Variants in STAP1 observed in about 807,000 individuals in gnomAD.
STAP1 encodes the protein signal-transducing adaptor protein 1.
In STAP1, 30 loss-of-function variants were observed where a neutral mutation model predicts 37.8. The observed-to-expected ratio is 0.79, with a 90% confidence interval of 0.59 to 1.08. The LOEUF (loss-of-function observed/expected upper bound fraction) is 1.08, where lower values mean the gene tolerates loss of function less well. STAP1 is among the 50% of genes least tolerant of loss of function. The pLI is 0.00. For synonymous variants in STAP1, 130 were observed against 116.0 expected, an observed-to-expected ratio of 1.12 and a Z score of -0.78; for missense variants, 357 against 349.4, an observed-to-expected ratio of 1.02 and a Z score of -0.17.
chr4:67,592,126 A>ATT (rs5859097), intron 7 of STAP1, among the ~76,000 whole-genome samples: 4,095 of 148,234 alleles, frequency 0.028, 159 homozygotes, highest in African/African-American at 0.082. Flanking sequence ...TATTTTTGTG[A>ATT]TTTTTTTTTT....
chr4:67,575,560 C>A, intron 3 of STAP1, 62 bp downstream of exon 3: 1 of 1,197,464 alleles, frequency 8.4e-7, no homozygotes, highest in Non-Finnish European at 1.2e-6. Context: ...TCTTCACATC[C>A]AGTGGCTGAA....
At chr4:67,588,449 T>G (rs981246684) in intron 6 of STAP1, among the ~76,000 whole-genome samples, 9 of 152,032 alleles carry the variant, frequency 5.9e-5, no homozygotes, top group Non-Finnish European at 1.2e-4. Flanking sequence ...TCGCTCTGTC[T>G]CACAGGCTGG....
chr4:67,601,596 T>C (rs1728343213), intron 8 of STAP1, among the ~76,000 whole-genome samples: 1 of 152,208 alleles, frequency 6.6e-6, no homozygotes, highest in Admixed American at 6.5e-5. Flanking sequence ...GTCTCCTCCA[T>C]GTTTGAAGGA....
chr4:67,592,662 A>G (rs1728144661), intron 7 of STAP1, among the ~76,000 whole-genome samples: 1 of 152,116 alleles, frequency 6.6e-6, no homozygotes, highest in African/African-American at 2.4e-5. Context: ...AGCATTTTCT[A>G]GCTAACTTGA....
chr4:67,562,329 G>A (rs879505747), intron 1 of STAP1, among the ~76,000 whole-genome samples: 31 of 151,762 alleles, frequency 2.0e-4, no homozygotes, highest in Non-Finnish European at 4.0e-4. Flanking sequence ...GTGACAGAGC[G>A]AAACTCCGTC....
chr4:67,587,609 G>C (rs551391733), intron 6 of STAP1, among the ~76,000 whole-genome samples: 19 of 152,098 alleles, frequency 1.2e-4, no homozygotes, highest in Non-Finnish European at 1.8e-4. Flanking sequence ...CATTAGCTAA[G>C]GAAGCAGTAG....
chr4:67,585,821 T>C (rs1727967696), intron 6 of STAP1, among the ~76,000 whole-genome samples: 1 of 152,204 alleles, frequency 6.6e-6, no homozygotes, highest in Non-Finnish European at 1.5e-5. Flanking sequence ...AGGAGAAAAG[T>C]GGATTTTTCT....
intron 6 of STAP1, among the ~76,000 whole-genome samples, chr4:67,586,433 G>A (rs945274149): frequency 2.0e-5 from 3 of 152,042 alleles, no homozygotes; most frequent in African/African-American, 7.2e-5. Flanking sequence ...CTCCAGCATG[G>A]GCAAGAAAGC....
At chr4:67,565,935 T>C (rs1019380562) in intron 1 of STAP1, among the ~76,000 whole-genome samples, 1 of 24,700 alleles carries the variant, frequency 4.0e-5, no homozygotes, top group Non-Finnish European at 1.5e-4. Context: ...ACCCAACTGC[T>C]TTTTTTTTTT....
intron 4 of STAP1, 101 bp downstream of exon 4, chr4:67,577,360 C>A: frequency 2.0e-6 from 2 of 1,000,032 alleles, no homozygotes; most frequent in South Asian, 2.0e-5. Flanking sequence ...GAAGATATAG[C>A]AATTGAAAAA....
chr4:67,590,935 T>C lies in STAP1; in HGVS notation c.711T>C (p.Thr237=). The change falls in exon 7 of 9, where the codon ACT becomes ACC. Residue 237 remains threonine (T), a synonymous_variant. Transcript: ENST00000265404. ...YKVMSVGQNY[T]IELEKPVTLP... ...TGATGAGCGTAGGACAAAACTACAC[T>C]ATTGAACTGGAAAAACCTGTAAGTA... 2 of 1,611,844 alleles carry C rather than the reference T, an allele frequency of 1.2e-6. No homozygotes were observed. Among genetic ancestry groups the C allele is most frequent in the Non-Finnish European group, 1.7e-6 (2 of 1,179,016 alleles).
At chr4:67,582,847 A>G (rs1345713788) in intron 5 of STAP1, among the ~76,000 whole-genome samples, 2 of 152,182 alleles carry the variant, frequency 1.3e-5, no homozygotes, top group African/African-American at 4.8e-5. Context: ...ACATTTTATT[A>G]TAAATAAACT....
chr4:67,596,048 T>C (rs548753592), intron 8 of STAP1, among the ~76,000 whole-genome samples: 1 of 152,312 alleles, frequency 6.6e-6, no homozygotes, highest in South Asian at 2.1e-4. Context: ...CCATTGTTCA[T>C]TGGTAGTGAT....
chr4:67,565,759 A>T (rs1727452142), intron 1 of STAP1, among the ~76,000 whole-genome samples: 1 of 151,922 alleles, frequency 6.6e-6, no homozygotes, highest in African/African-American at 2.4e-5. Flanking sequence ...TTGGTTCCTT[A>T]AAGTAAACTC....
At chr4:67,564,531 T>A (rs576666770) in intron 1 of STAP1, among the ~76,000 whole-genome samples, 1 of 152,188 alleles carries the variant, frequency 6.6e-6, no homozygotes, top group African/African-American at 2.4e-5. Context: ...GTTATGAGGC[T>A]GATTAGGACG....
chr4:67,593,231 G>C (rs1219605285), intron 7 of STAP1, 29 bp from the exon 8 acceptor site: 1 of 1,524,510 alleles, frequency 6.6e-7, no homozygotes, highest in Admixed American at 1.8e-5. Context: ...AGGTGATGCT[G>C]AGTTTTCTCT....
At chr4:67,598,054 A>G (rs1728262494) in intron 8 of STAP1, among the ~76,000 whole-genome samples, 2 of 152,150 alleles carry the variant, frequency 1.3e-5, no homozygotes, top group South Asian at 4.2e-4. Flanking sequence ...CCCAAAGCTC[A>G]TCTCAGATTG....
chr4:67,583,965 G>T (rs1727924875), intron 6 of STAP1, among the ~76,000 whole-genome samples: 1 of 152,018 alleles, frequency 6.6e-6, no homozygotes, highest in Non-Finnish European at 1.5e-5. Context: ...AGGCGTGGTG[G>T]CACGTGCCTG....
At chr4:67,583,438 A>T (rs1428805192) in intron 5 of STAP1, 136 bp from the exon 6 acceptor site, 1 of 870,688 alleles carries the variant, frequency 1.1e-6, no homozygotes, top group Non-Finnish European at 1.7e-6. Context: ...TAATTACATA[A>T]TTGGAATAAT....
Sources: gnomAD v4.1 joint callset for allele counts (sites outside exome capture counted in the v4.1 genomes callset) on GRCh38, gnomAD v4.1.1 for gene constraint, MANE v1.5 for transcripts, NCBI Gene and HGNC (gene_info 2026-07-23, HGNC 2026-07-21) for gene names.